PGR: variants seen among roughly 807,000 people sequenced by gnomAD.
The protein encoded by PGR is progesterone receptor, also known as nuclear receptor subfamily 3 group C member 3.
A neutral mutation model predicts 76.1 loss-of-function variants in PGR; 25 were observed. That is an observed-to-expected ratio of 0.33 (90% confidence interval 0.24 to 0.46). The LOEUF is 0.46. Ranked by LOEUF, PGR falls within the 20% of genes least tolerant of loss-of-function variation. The pLI is 1.00. For synonymous variants in PGR, 579 were observed against 535.0 expected (o/e 1.08, Z -1.14); for missense variants, 1,172 against 1,225.3 (o/e 0.96, Z 0.65).
intron 3 of PGR, among the ~76,000 whole-genome samples, chr11:101,085,913 C>A (rs1861483904): frequency 1.3e-5 from 2 of 152,118 alleles, no homozygotes; most frequent in Admixed American, 6.6e-5. Context: ...AACTAAAGCA[C>A]TGAACAGACC....
intron 3 of PGR, among the ~76,000 whole-genome samples, chr11:101,074,736 A>G: frequency 6.6e-6 from 1 of 152,174 alleles, no homozygotes; most frequent in Non-Finnish European, 1.5e-5. Context: ...AATTGCTACA[A>G]AAGGAGTAAA....
rs1265066297 is a variant in PGR at position 101,128,507 on chromosome 11, G to T, written c.564C>A (p.Gly188=). The T allele has an allele frequency of 1.2e-6, 2 of 1,603,974 alleles. No individual in the cohort carries two copies. The highest frequency in any genetic ancestry group is 2.2e-5 in the South Asian group (2 of 90,406). Residue 188 remains glycine, a synonymous_variant, in exon 1 of 8, where the codon GGC becomes GGA. Transcript: ENST00000325455. ...TAAAHKVLPR[G]LSPARQLLLP... is the part of the protein sequence containing the mutation. ...GCAGCAGCTGCCGGGCTGGTGACAG[G>T]CCCCGGGGCAGCACTTTATGGGCAG...
At chr11:101,109,491 C>A (rs493591) in intron 2 of PGR, among the ~76,000 whole-genome samples, 1 of 152,084 alleles carries the variant, frequency 6.6e-6, no homozygotes, top group Non-Finnish European at 1.5e-5. Flanking sequence ...TAGAGGATCA[C>A]GCCAGCCACA....
intron 4 of PGR, 122 bp downstream of exon 4, chr11:101,062,325 C>A (rs1006005528): frequency 2.6e-6 from 2 of 762,056 alleles, no homozygotes; most frequent in Non-Finnish European, 4.4e-6. Context: ...CAAACACATA[C>A]TATCACATAC....
At chr11:101,068,030 A>G (rs1860784853) in intron 3 of PGR, among the ~76,000 whole-genome samples, 1 of 152,174 alleles carries the variant, frequency 6.6e-6, no homozygotes. Flanking sequence ...GAAATATGCA[A>G]TCAATTTCAA....
intron 3 of PGR, among the ~76,000 whole-genome samples, chr11:101,090,537 A>T (rs926374022): frequency 2.0e-5 from 3 of 152,216 alleles, no homozygotes; most frequent in Non-Finnish European, 4.4e-5. Flanking sequence ...ATTTTCTAAA[A>T]TTTAGGAGGT....
Position 101,043,141 on chromosome 11 carries a change from TC to T in PGR, c.2489-1040del, listed in dbSNP as rs201575328. 7.4e-3 allele frequency among the ~76,000 whole-genome samples: 1,130 copies of T among 152,324 alleles called. 18 individuals are homozygous for T. The highest frequency in any genetic ancestry group is 0.033 in the Admixed American group (503 of 15,288). On this transcript the variant is annotated intron_variant, in intron 6 of 7. Transcript: ENST00000325455. ...CAATTTACCCACAATAGAACTTCTT[TC>T]ATAATTGGAGTCAATCCTCTTAAGT...
intron 6 of PGR, among the ~76,000 whole-genome samples, chr11:101,048,628 G>T (rs933305414): frequency 6.6e-6 from 1 of 152,156 alleles, no homozygotes; most frequent in Non-Finnish European, 1.5e-5. Flanking sequence ...TTGCATAGGG[G>T]ACTTAACATG....
chr11:101,069,843 A>G (rs587955), intron 3 of PGR, among the ~76,000 whole-genome samples: 27,483 of 151,350 alleles, frequency 0.18, 2,970 homozygotes, highest in African/African-American at 0.31. Flanking sequence ...ATCACACACC[A>G]GGGCCTGTTG....
chr11:101,064,331 CAAAAAAAAAAAAAAAAAAAAAAAAAAAA>C (rs10556132), intron 3 of PGR, among the ~76,000 whole-genome samples: 3 of 39,448 alleles, frequency 7.6e-5, no homozygotes, highest in African/African-American at 2.8e-4. Flanking sequence ...AACTCCACCT[CAAAAAAAAAAAAAAAAAAAAAAAAAAAA>C]AAAAAAAAAA....
At chr11:101,126,513 A>G (rs1862843582) in intron 1 of PGR, among the ~76,000 whole-genome samples, 1 of 152,234 alleles carries the variant, frequency 6.6e-6, no homozygotes, top group Non-Finnish European at 1.5e-5. Flanking sequence ...TCCTGTCTGT[A>G]TGCTGGGTCA....
At chr11:101,107,874 AAAAAAAG>A (rs967489863) in intron 2 of PGR, among the ~76,000 whole-genome samples, 3 of 146,222 alleles carry the variant, frequency 2.1e-5, no homozygotes, top group African/African-American at 7.3e-5. Flanking sequence ...GTAAAAAAAA[AAAAAAAG>A]AAAGAAAAAG....
intron 7 of PGR, among the ~76,000 whole-genome samples, chr11:101,039,655 T>C (rs1026254219): frequency 2.0e-5 from 3 of 152,044 alleles, no homozygotes; most frequent in African/African-American, 4.8e-5. Flanking sequence ...CTAGCTGTTT[T>C]ATATAACAAC....
At chr11:101,121,904 C>T (rs551129073) in intron 2 of PGR, among the ~76,000 whole-genome samples, 2 of 152,230 alleles carry the variant, frequency 1.3e-5, no homozygotes, top group South Asian at 2.1e-4. Flanking sequence ...TGGTGGCTCA[C>T]GCCTGTAATC....
intron 4 of PGR, among the ~76,000 whole-genome samples, chr11:101,058,054 C>A (rs1306674909): frequency 3.3e-5 from 5 of 152,062 alleles, no homozygotes; most frequent in Admixed American, 6.5e-5. Flanking sequence ...CAAATCCACA[C>A]AGGAGTCGGG....
chr11:101,049,891 A>G, intron 6 of PGR, 38 bp downstream of exon 6: 1 of 1,561,422 alleles, frequency 6.4e-7, no homozygotes, highest in South Asian at 1.1e-5. Context: ...GAATTAAGAA[A>G]CTAGATATCT....
At position 101,032,012 on chromosome 11, in the gene PGR, A is replaced by T. The variant is rs1859369634; in HGVS notation, c.*7104T>A. Reference sequence around the variant, plus strand: ...TAGGGATATAGGTGGAGTGGTACAGATTGTTTGGACAGATAGAATTCTGGG... The same window carrying T: ...TAGGGATATAGGTGGAGTGGTACAGTTTGTTTGGACAGATAGAATTCTGGG... On this transcript the variant is annotated 3_prime_UTR_variant, in exon 8 of 8. Transcript: ENST00000325455. 4.3e-6 allele frequency: 1 copy of T among 232,656 alleles called. No homozygotes were observed. Among genetic ancestry groups the T allele is most frequent in the African/African-American group, 2.2e-5 (1 of 45,310 alleles). 14.4% of individuals were successfully genotyped at this position (232,656 alleles called of 1,614,324 possible). A position where few individuals can be genotyped will look rare whatever the true frequency, so the allele number is the denominator to read the frequency against.
intron 2 of PGR, among the ~76,000 whole-genome samples, chr11:101,097,600 G>A (rs1475039892): frequency 6.6e-6 from 1 of 152,124 alleles, no homozygotes; most frequent in Non-Finnish European, 1.5e-5. Context: ...ATACTCAACA[G>A]TATAAGACAT....
At position 101,039,098 on chromosome 11, in the gene PGR, A is replaced by G. The variant is rs772624235; in HGVS notation, c.*18T>C. 6.2e-7 allele frequency: 1 copy of G among 1,601,448 alleles called. No homozygotes were observed. Among genetic ancestry groups the G allele is most frequent in the South Asian group, 1.1e-5 (1 of 90,790 alleles). On this transcript the variant is annotated 3_prime_UTR_variant, in exon 8 of 8. Transcript: ENST00000325455. ...GACATACCACAAAATTTAATTCTTT[A>G]AAAGAAAAAGATGACATTCACTTTT...
Sources: gnomAD v4.1 joint callset for allele counts (sites outside exome capture counted in the v4.1 genomes callset) on GRCh38, gnomAD v4.1.1 for gene constraint, MANE v1.5 for transcripts, NCBI Gene and HGNC (gene_info 2026-07-23, HGNC 2026-07-21) for gene names.